MACROD2: variants seen among roughly 807,000 people sequenced by gnomAD.
MACROD2 encodes the protein ADP-ribose glycohydrolase MACROD2.
MACROD2 carries 36 observed loss-of-function variants against 70.4 expected under a neutral mutation model. The ratio of observed to expected loss-of-function variants is 0.51; its 90% CI spans 0.39 to 0.68. The LOEUF is 0.68. Among genes scored for constraint, MACROD2 ranks in the 30% least tolerant of loss-of-function variants. The pLI is 0.00. For synonymous variants in MACROD2, 172 were observed against 178.8 expected, an observed-to-expected ratio of 0.96 and a Z score of 0.30; for missense variants, 496 against 538.4, an observed-to-expected ratio of 0.92 and a Z score of 0.78.
chr20:15,815,597 C>T (rs1259604700), intron 8 of MACROD2, among the ~76,000 whole-genome samples: 3 of 152,002 alleles, frequency 2.0e-5, no homozygotes, highest in Non-Finnish European at 4.4e-5. Context: ...TCTTCCTGAT[C>T]GTAGCAGAAT....
intron 3 of MACROD2, among the ~76,000 whole-genome samples, chr20:14,207,370 G>A (rs2081533307): frequency 6.6e-6 from 1 of 152,156 alleles, no homozygotes; most frequent in South Asian, 2.1e-4. Context: ...AAAGTGCTGG[G>A]ATTACAGGCG....
At chr20:15,291,933 G>C (rs2077544274) in intron 6 of MACROD2, among the ~76,000 whole-genome samples, 1 of 152,180 alleles carries the variant, frequency 6.6e-6, no homozygotes, top group African/African-American at 2.4e-5. Context: ...TAAGCAAACA[G>C]AATCACAGGA....
At chr20:14,380,274 C>T (rs955465851) in intron 3 of MACROD2, among the ~76,000 whole-genome samples, 3 of 152,034 alleles carry the variant, frequency 2.0e-5, no homozygotes, top group African/African-American at 7.2e-5. Flanking sequence ...TGTTCAAGCC[C>T]TTTGCCCATT....
intron 7 of MACROD2, among the ~76,000 whole-genome samples, chr20:15,472,810 C>T (rs144217215): frequency 9.9e-5 from 15 of 152,212 alleles, no homozygotes; most frequent in African/African-American, 3.4e-4. Context: ...TTATGCTTTT[C>T]GGGCCCTGTA....
intron 3 of MACROD2, among the ~76,000 whole-genome samples, chr20:14,233,698 C>CAAA (rs1261096475): frequency 0.012 from 306 of 24,838 alleles, no homozygotes; most frequent in Non-Finnish European, 0.019. Flanking sequence ...CTCCGTCTCA[C>CAAA]AAAAAAAAAA....
intron 12 of MACROD2, among the ~76,000 whole-genome samples, chr20:15,948,679 A>T (rs773520636): frequency 6.6e-6 from 1 of 152,172 alleles, no homozygotes; most frequent in African/African-American, 2.4e-5. Context: ...TTAAGGAAGT[A>T]CATGTTTATC....
intron 3 of MACROD2, among the ~76,000 whole-genome samples, chr20:14,242,250 G>A (rs1195750125): frequency 1.3e-5 from 2 of 151,988 alleles, no homozygotes; most frequent in Non-Finnish European, 2.9e-5. Context: ...TTTATATTCA[G>A]TACTTTGAAA....
At chr20:15,328,206 A>G (rs1293350621) in intron 6 of MACROD2, among the ~76,000 whole-genome samples, 1 of 151,850 alleles carries the variant, frequency 6.6e-6, no homozygotes, top group Non-Finnish European at 1.5e-5. Flanking sequence ...ACAAGCAGAT[A>G]CCTGTGGCAA....
At chr20:15,128,573 A>G (rs2076083115) in intron 5 of MACROD2, among the ~76,000 whole-genome samples, 1 of 152,062 alleles carries the variant, frequency 6.6e-6, no homozygotes, top group Non-Finnish European at 1.5e-5. Flanking sequence ...TCATCAGTTG[A>G]TACAATTTTC....
At chr20:15,285,691 G>A (rs1227699674) in intron 6 of MACROD2, among the ~76,000 whole-genome samples, 4 of 152,024 alleles carry the variant, frequency 2.6e-5, no homozygotes. Context: ...ACTGGTTTTA[G>A]GTATGTAGCC....
At chr20:14,007,096 G>A (rs193214349) in intron 2 of MACROD2, among the ~76,000 whole-genome samples, 8 of 152,188 alleles carry the variant, frequency 5.3e-5, no homozygotes, top group East Asian at 3.9e-4. Flanking sequence ...GCAGCCATTC[G>A]TGATTATTGC....
chr20:14,419,384 T>A (rs1351722765), intron 3 of MACROD2, among the ~76,000 whole-genome samples: 1 of 152,224 alleles, frequency 6.6e-6, no homozygotes, highest in African/African-American at 2.4e-5. Context: ...AATATATTTA[T>A]TAGGTATCTT....
chr20:14,181,107 G>T (rs1318230976), intron 3 of MACROD2, among the ~76,000 whole-genome samples: 8 of 144,628 alleles, frequency 5.5e-5, no homozygotes, highest in African/African-American at 1.8e-4. Flanking sequence ...TCTCTCTGTT[G>T]CCCAGGCTGG....
intron 5 of MACROD2, among the ~76,000 whole-genome samples, chr20:14,839,865 C>T (rs1368594956): frequency 6.6e-6 from 1 of 152,056 alleles, no homozygotes; most frequent in East Asian, 1.9e-4. Context: ...TATTCTACTG[C>T]TGAATCTTTA....
chr20:15,549,062 G>C (rs1454976875), intron 8 of MACROD2, among the ~76,000 whole-genome samples: 1 of 152,164 alleles, frequency 6.6e-6, no homozygotes, highest in African/African-American at 2.4e-5. Context: ...GACTACAACT[G>C]GGCCCTGAAT....
chr20:15,834,544 T>C (rs1442785296), intron 8 of MACROD2, among the ~76,000 whole-genome samples: 1 of 152,116 alleles, frequency 6.6e-6, no homozygotes, highest in Non-Finnish European at 1.5e-5. Flanking sequence ...AGCTTCCCCA[T>C]ATACATTGCT....
chr20:15,825,584 C>T (rs767461051), intron 8 of MACROD2, among the ~76,000 whole-genome samples: 70 of 152,006 alleles, frequency 4.6e-4, no homozygotes, highest in Non-Finnish European at 7.4e-4. Flanking sequence ...CTGCAAGCTC[C>T]GCCTCCTGGG....
intron 6 of MACROD2, among the ~76,000 whole-genome samples, chr20:15,368,370 A>C (rs2045441878): frequency 6.6e-6 from 1 of 152,142 alleles, no homozygotes; most frequent in African/African-American, 2.4e-5. Context: ...AGGGGAGAGA[A>C]AAAACACTAC....
At chr20:14,694,101 C>T (rs2071093285) in intron 5 of MACROD2, among the ~76,000 whole-genome samples, 1 of 152,032 alleles carries the variant, frequency 6.6e-6, no homozygotes, top group Non-Finnish European at 1.5e-5. Context: ...AAGCAAAGAA[C>T]CTCAGATAAT....
Sources: gnomAD v4.1 joint callset for allele counts (sites outside exome capture counted in the v4.1 genomes callset) on GRCh38, gnomAD v4.1.1 for gene constraint, MANE v1.5 for transcripts, NCBI Gene and HGNC (gene_info 2026-07-23, HGNC 2026-07-21) for gene names.